The following USP13 variants were observed in gnomAD, a reference collection of about 807,000 sequenced individuals.
USP13 encodes ubiquitin specific peptidase 13.
Under a neutral mutation model 107.8 loss-of-function variants are expected in USP13, and 68 were observed. The observed-to-expected ratio is 0.63, with a 90% CI of 0.52 to 0.77. USP13 has a LOEUF of 0.77. Ranked by LOEUF, USP13 falls within the 30% of genes least tolerant of loss-of-function variation. The probability of loss-of-function intolerance (pLI) is 0.00; values close to 1 mark genes in which losing one functional copy is unlikely to be tolerated. For missense variants in USP13, 945 were observed against 1,093.3 expected, an observed-to-expected ratio of 0.86 and a Z score of 1.91; for synonymous variants, 377 against 389.5, an observed-to-expected ratio of 0.97 and a Z score of 0.38.
intron 5 of USP13, among the ~76,000 whole-genome samples, chr3:179,707,760 G>A (rs959451721): frequency 2.6e-5 from 4 of 152,184 alleles, no homozygotes; most frequent in Admixed American, 6.5e-5. Context: ...TGTTTACAGA[G>A]GCAGGTGTTG....
At chr3:179,744,298 T>C (rs530578049) in intron 12 of USP13, among the ~76,000 whole-genome samples, 1 of 152,246 alleles carries the variant, frequency 6.6e-6, no homozygotes, top group South Asian at 2.1e-4. Flanking sequence ...TCAGAAAATG[T>C]GTAACACTCG....
chr3:179,757,217 C>A, intron 16 of USP13, 139 bp downstream of exon 16: 2 of 924,224 alleles, frequency 2.2e-6, no homozygotes, highest in Non-Finnish European at 3.4e-6. Flanking sequence ...GGCTCTGTGT[C>A]TGCTAGTCAG....
chr3:179,736,843 T>G (rs1007348171), intron 10 of USP13, among the ~76,000 whole-genome samples: 3 of 152,228 alleles, frequency 2.0e-5, no homozygotes, highest in Non-Finnish European at 2.9e-5. Flanking sequence ...ATTTACTGGC[T>G]TGTTAAACTT....
Position 179,786,618 on chromosome 3 carries a change from G to T in USP13, c.*2477G>T, listed in dbSNP as rs553963424. 1.9e-5 allele frequency: 3 copies of T among 154,396 alleles called. No individual in the cohort carries two copies. The East Asian group carries it at 5.7e-4, about 29-fold the overall frequency. 9.6% of individuals were successfully genotyped at this position (154,396 alleles called of 1,614,324 possible). A position where few individuals can be genotyped will look rare whatever the true frequency, so the allele number is the denominator to read the frequency against. On this transcript the variant is annotated 3_prime_UTR_variant, in exon 21 of 21. Transcript: ENST00000263966. The stretch of plus-strand genomic sequence containing the variant: ...TGGGAAAAACTGGAGTAAATAATGG[G>T]TTTCTTACTTGCTTAAAAGCATATT...
intron 12 of USP13, among the ~76,000 whole-genome samples, chr3:179,744,004 C>T (rs1379388655): frequency 7.0e-6 from 1 of 142,586 alleles, no homozygotes; most frequent in African/African-American, 2.6e-5. Context: ...ATTTTGACTA[C>T]AGGCTAGTTT....
chr3:179,733,756 G>T (rs549438373), intron 10 of USP13, among the ~76,000 whole-genome samples: 1 of 152,328 alleles, frequency 6.6e-6, no homozygotes, highest in African/African-American at 2.4e-5. Flanking sequence ...CCACCACCAC[G>T]CATGGTCTTA....
At chr3:179,745,444 C>CT in intron 13 of USP13, among the ~76,000 whole-genome samples, 1 of 151,874 alleles carries the variant, frequency 6.6e-6, no homozygotes. Context: ...GAGGGGTTTT[C>CT]TTTTTTCTTT....
At chr3:179,680,203 A>C (rs1021829415) in intron 1 of USP13, among the ~76,000 whole-genome samples, 2 of 118,654 alleles carry the variant, frequency 1.7e-5, no homozygotes, top group African/African-American at 3.2e-5. Context: ...ACAACAACAA[A>C]AAGAAAGAGA....
chr3:179,767,984 G>A (rs886684002), intron 19 of USP13, among the ~76,000 whole-genome samples: 23 of 152,138 alleles, frequency 1.5e-4, no homozygotes, highest in African/African-American at 4.3e-4. Context: ...AGGATGAGAT[G>A]TCGTTCTCCC....
At chr3:179,655,096 C>CCTAA (rs34557607) in intron 1 of USP13, among the ~76,000 whole-genome samples, 130,289 of 151,756 alleles carry the variant, frequency 0.86, 56,167 homozygotes, top group African/African-American at 0.94. Context: ...GGATGATGGT[C>CCTAA]CTAACTTAAG....
chr3:179,665,240 A>G (rs886443499), intron 1 of USP13, among the ~76,000 whole-genome samples: 1 of 152,212 alleles, frequency 6.6e-6, no homozygotes, highest in Non-Finnish European at 1.5e-5. Flanking sequence ...GGACCATGGC[A>G]GGATCTCTAT....
Position 179,701,020 on chromosome 3 carries a change from A to T in USP13, c.368A>T (p.Asp123Val). The change falls in exon 4 of 21, where the codon GAT becomes GTT. Residue 123 changes from aspartate (D) to valine (V), a missense_variant. Asp to Val is a radical substitution (Grantham distance 152). Coordinates refer to ENST00000263966, the MANE Select transcript of USP13 (RefSeq NM_003940.3). Reference sequence around the variant, plus strand: ...GTTTTCTCCTCAGATCTAGATACTGATGACGATTTAAATAGCGACGATTAT... The same window carrying T: ...GTTTTCTCCTCAGATCTAGATACTGTTGACGATTTAAATAGCGACGATTAT... ...NSKIFLDLDT[D>V]DDLNSDDYEY... 6.2e-7 allele frequency: 1 copy of T among 1,613,514 alleles called. No individual in the cohort carries two copies. The highest frequency in any genetic ancestry group is 8.5e-7 in the Non-Finnish European group (1 of 1,179,924).
intron 1 of USP13, among the ~76,000 whole-genome samples, chr3:179,670,190 A>G (rs910795085): frequency 6.6e-6 from 1 of 152,080 alleles, no homozygotes; most frequent in Non-Finnish European, 1.5e-5. Flanking sequence ...CCTCCTAGAG[A>G]CAACCCTGTC....
At chr3:179,667,025 C>T (rs1230914712) in intron 1 of USP13, among the ~76,000 whole-genome samples, 2 of 152,216 alleles carry the variant, frequency 1.3e-5, no homozygotes, top group Non-Finnish European at 2.9e-5. Flanking sequence ...CACAGCTGCC[C>T]ATTCAACATA....
At chr3:179,718,432 C>G (rs1417683199) in intron 6 of USP13, among the ~76,000 whole-genome samples, 2 of 152,096 alleles carry the variant, frequency 1.3e-5, no homozygotes, top group East Asian at 3.9e-4. Flanking sequence ...GCTGGGATTA[C>G]AGATGTGAGC....
chr3:179,661,366 C>G (rs1234799664), intron 1 of USP13, among the ~76,000 whole-genome samples: 1 of 151,970 alleles, frequency 6.6e-6, no homozygotes, highest in African/African-American at 2.4e-5. Context: ...CATGCACATT[C>G]TTTTTGAAGC....
chr3:179,719,652 G>A (rs568228917), intron 6 of USP13, among the ~76,000 whole-genome samples: 3 of 152,126 alleles, frequency 2.0e-5, no homozygotes, highest in Non-Finnish European at 4.4e-5. Flanking sequence ...ATTTATACTT[G>A]TATACTTATT....
At chr3:179,668,802 C>G (rs1720659488) in intron 1 of USP13, among the ~76,000 whole-genome samples, 1 of 152,200 alleles carries the variant, frequency 6.6e-6, no homozygotes, top group Admixed American at 6.5e-5. Flanking sequence ...TCTTGTTTTA[C>G]TTTCTTATTG....
intron 1 of USP13, among the ~76,000 whole-genome samples, chr3:179,671,495 C>G (rs561829809): frequency 1.3e-5 from 2 of 152,104 alleles, no homozygotes; most frequent in East Asian, 1.9e-4. Context: ...TAACAACATA[C>G]GCCAGGAAGA....
Sources: gnomAD v4.1 joint callset for allele counts (sites outside exome capture counted in the v4.1 genomes callset) on GRCh38, gnomAD v4.1.1 for gene constraint, MANE v1.5 for transcripts, NCBI Gene and HGNC (gene_info 2026-07-23, HGNC 2026-07-21) for gene names.